C8orf34: variants seen among roughly 807,000 people sequenced by gnomAD.
C8orf34 encodes uncharacterized protein C8orf34.
Under a neutral mutation model 68.3 loss-of-function variants are expected in C8orf34, and 65 were observed. The ratio of observed to expected loss-of-function variants is 0.95; its 90% CI spans 0.78 to 1.17. C8orf34 has a LOEUF of 1.17. Ranked by LOEUF, C8orf34 falls within the 50% of genes most tolerant of loss-of-function variation. The probability of loss-of-function intolerance (pLI) is 0.00; values close to 1 mark genes in which losing one functional copy is unlikely to be tolerated. For missense variants in C8orf34, 664 were observed against 655.4 expected (o/e 1.01, Z -0.14); for synonymous variants, 244 against 241.2 (o/e 1.01, Z -0.11).
intron 5 of C8orf34, among the ~76,000 whole-genome samples, chr8:68,519,630 T>A (rs559903663): frequency 2.2e-4 from 33 of 152,326 alleles, no homozygotes; most frequent in Non-Finnish European, 3.5e-4. Flanking sequence ...AGATTGTTGT[T>A]TATGATTATT....
intron 1 of C8orf34, among the ~76,000 whole-genome samples, chr8:68,373,813 G>C (rs1807669660): frequency 6.6e-6 from 1 of 152,034 alleles, no homozygotes; most frequent in African/African-American, 2.4e-5. Context: ...ACCAAGACTT[G>C]GTAACTACAT....
chr8:68,633,518 G>T (rs548403022), intron 7 of C8orf34, among the ~76,000 whole-genome samples: 21 of 152,094 alleles, frequency 1.4e-4, no homozygotes, highest in African/African-American at 4.8e-4. Flanking sequence ...AATTCCCATC[G>T]GTTGATTTTT....
intron 10 of C8orf34, among the ~76,000 whole-genome samples, chr8:68,768,887 C>CT (rs112446204): frequency 0.24 from 35,590 of 147,342 alleles, 4,784 homozygotes; most frequent in East Asian, 0.46. Context: ...TGGGTTCACA[C>CT]TTTTTTTTTT....
At chr8:68,704,959 G>C (rs1294920848) in intron 8 of C8orf34, among the ~76,000 whole-genome samples, 1 of 152,182 alleles carries the variant, frequency 6.6e-6, no homozygotes, top group Non-Finnish European at 1.5e-5. Context: ...AAGTATGGCT[G>C]TCTGTAAGGA....
chr8:68,663,235 A>T (rs998947228), intron 8 of C8orf34, among the ~76,000 whole-genome samples: 2 of 152,202 alleles, frequency 1.3e-5, no homozygotes, highest in Admixed American at 6.5e-5. Context: ...TCAGAGAAGA[A>T]TATTGTTTAA....
intron 1 of C8orf34, among the ~76,000 whole-genome samples, chr8:68,367,912 G>GAAAAAAAAAAAAAAAAAAAAAAAAA (rs61562318): frequency 8.8e-5 from 7 of 79,120 alleles, no homozygotes; most frequent in Non-Finnish European, 1.2e-4. Flanking sequence ...AAAAAGAAAA[G>GAAAAAAAAAAAAAAAAAAAAAAAAA]AAAAAAAAAA....
intron 3 of C8orf34, among the ~76,000 whole-genome samples, chr8:68,468,040 T>C (rs535045109): frequency 6.2e-4 from 94 of 152,052 alleles, no homozygotes; most frequent in Non-Finnish European, 1.1e-3. Flanking sequence ...ATTGAAGCTT[T>C]AATATTTAAA....
At chr8:68,553,112 A>G (rs967953902) in intron 7 of C8orf34, among the ~76,000 whole-genome samples, 1 of 152,064 alleles carries the variant, frequency 6.6e-6, no homozygotes, top group Non-Finnish European at 1.5e-5. Context: ...GGGGCCAGGC[A>G]TGGTGGCTCA....
intron 1 of C8orf34, among the ~76,000 whole-genome samples, chr8:68,432,052 A>T (rs902411262): frequency 2.0e-5 from 3 of 152,126 alleles, no homozygotes; most frequent in African/African-American, 7.2e-5. Context: ...AATGCAAAAG[A>T]TCTTACTCCT....
intron 4 of C8orf34, among the ~76,000 whole-genome samples, chr8:68,470,493 G>A (rs1472086489): frequency 6.6e-6 from 1 of 152,058 alleles, no homozygotes; most frequent in Non-Finnish European, 1.5e-5. Context: ...CAATTATGTA[G>A]TTGCCCACTT....
intron 1 of C8orf34, among the ~76,000 whole-genome samples, chr8:68,396,550 T>C (rs1057146614): frequency 4.0e-5 from 6 of 151,462 alleles, no homozygotes; most frequent in Non-Finnish European, 8.8e-5. Flanking sequence ...TCAATATCTG[T>C]CCCCTTCCAA....
At position 68,577,278 on chromosome 8, in the gene C8orf34, T is replaced by C. The variant is rs530402779; in HGVS notation, c.1105+44129T>C. On this transcript the variant is annotated intron_variant, in intron 7 of 13. Coordinates refer to ENST00000518698, the MANE Select transcript of C8orf34 (RefSeq NM_052958.4). ...AAACCCCATCTGATTCATACATATA[T>C]TCAATGAGTTCTATATGCTTCTTAA... is the stretch of plus-strand genomic sequence containing the variant. Among the ~76,000 whole-genome samples the C allele has an allele frequency of 2.0e-5, 3 of 152,122 alleles. No homozygotes were observed. The South Asian group carries it at 6.2e-4, about 32-fold the overall frequency.
intron 7 of C8orf34, among the ~76,000 whole-genome samples, chr8:68,604,609 T>C (rs2130520852): frequency 6.6e-6 from 1 of 152,260 alleles, no homozygotes; most frequent in Admixed American, 6.5e-5. Flanking sequence ...GGAATTATAG[T>C]ATGACATAGT....
At chr8:68,701,966 T>C (rs147610803) in intron 8 of C8orf34, among the ~76,000 whole-genome samples, 1 of 152,012 alleles carries the variant, frequency 6.6e-6, no homozygotes, top group African/African-American at 2.4e-5. Context: ...AGGGAAGGCC[T>C]TCCCCAGACA....
At chr8:68,723,082 G>A (rs1425255359) in intron 10 of C8orf34, among the ~76,000 whole-genome samples, 3 of 151,964 alleles carry the variant, frequency 2.0e-5, no homozygotes, top group Non-Finnish European at 4.4e-5. Flanking sequence ...ATCAGGAGTT[G>A]GGGACTAGTC....
chr8:68,496,212 A>T (rs1174327059), intron 5 of C8orf34, among the ~76,000 whole-genome samples: 2 of 152,226 alleles, frequency 1.3e-5, no homozygotes, highest in African/African-American at 4.8e-5. Context: ...ACCATGTAAT[A>T]GACTCAATAG....
intron 9 of C8orf34, among the ~76,000 whole-genome samples, chr8:68,715,399 T>A (rs1206243695): frequency 2.0e-5 from 3 of 151,962 alleles, no homozygotes; most frequent in Admixed American, 2.0e-4. Context: ...ATCCAGAATC[T>A]ATAATACAAA....
chr8:68,530,780 A>G (rs1271727490), intron 6 of C8orf34: 1 of 217,094 alleles, frequency 4.6e-6, no homozygotes, highest in African/African-American at 2.3e-5. Context: ...AAATTACTTA[A>G]AAAGGGGTGC....
chr8:68,785,410 A>C (rs371629406), intron 11 of C8orf34, among the ~76,000 whole-genome samples: 115 of 112,534 alleles, frequency 1.0e-3, no homozygotes, highest in African/African-American at 6.1e-3. Context: ...TCATCCATTT[A>C]CTTTACTGTT....
Sources: allele counts gnomAD v4.1 joint callset (sites outside exome capture counted in the v4.1 genomes callset), GRCh38; gene constraint gnomAD v4.1.1; transcripts MANE v1.5; gene names NCBI Gene and HGNC (gene_info 2026-07-23, HGNC 2026-07-21).